The following SCHIP1 variants were observed in gnomAD, a reference collection of about 807,000 sequenced individuals.
SCHIP1 encodes the protein schwannomin-interacting protein 1.
A neutral mutation model predicts 29.7 loss-of-function variants in SCHIP1; 8 were observed. The observed-to-expected ratio is 0.27, with a 90% CI of 0.16 to 0.49. The LOEUF (loss-of-function observed/expected upper bound fraction) is 0.49, where lower values mean the gene tolerates loss of function less well. Among genes scored for constraint, SCHIP1 ranks in the 20% least tolerant of loss-of-function variants. The pLI is 0.99. For missense variants in SCHIP1, 193 were observed against 294.6 expected (o/e 0.66, Z 2.52); for synonymous variants, 76 against 94.9 (o/e 0.80, Z 1.16).
the SCHIP1 span, among the ~76,000 whole-genome samples, chr3:159,510,414 C>G: frequency 6.6e-6 from 1 of 152,202 alleles, no homozygotes; most frequent in African/African-American, 2.4e-5. Context: ...TGGGTTCGAA[C>G]TTCCTCCTTT....
At chr3:159,759,296 TAAAAG>T in the SCHIP1 span, among the ~76,000 whole-genome samples, 3 of 152,144 alleles carry the variant, frequency 2.0e-5, no homozygotes, top group African/African-American at 7.2e-5. Context: ...TCTACAGAAA[TAAAAG>T]AGAGCTACCA....
chr3:159,717,085 A>G, the SCHIP1 span, among the ~76,000 whole-genome samples: 1 of 152,312 alleles, frequency 6.6e-6, no homozygotes, highest in South Asian at 2.1e-4. Context: ...TAAGAAACTC[A>G]CTCAAAACCA....
the SCHIP1 span, among the ~76,000 whole-genome samples, chr3:159,283,913 T>C: frequency 1.3e-5 from 2 of 152,348 alleles, no homozygotes; most frequent in East Asian, 3.9e-4. Context: ...GTGGTATTGC[T>C]GTTTGGTTTT....
the SCHIP1 span, among the ~76,000 whole-genome samples, chr3:159,299,514 A>G: frequency 3.7e-4 from 57 of 152,334 alleles, no homozygotes; most frequent in African/African-American, 1.3e-3. Context: ...CCAAGGTGAC[A>G]TAGGCATTTA....
chr3:159,851,559 C>CTGTTGTTATGTTAATGTTA (rs11282081), intron 1 of SCHIP1, among the ~76,000 whole-genome samples: 1 of 152,086 alleles, frequency 6.6e-6, no homozygotes. Context: ...TAAAGGGTAG[C>CTGTTGTTATGTTAATGTTA]TGTTAATATA....
the SCHIP1 span, among the ~76,000 whole-genome samples, chr3:159,778,490 A>G: frequency 1.3e-5 from 2 of 152,300 alleles, no homozygotes; most frequent in South Asian, 2.1e-4. Context: ...ACCCAATACT[A>G]TCACCTAACC....
At chr3:159,778,028 A>G in the SCHIP1 span, among the ~76,000 whole-genome samples, 5 of 151,986 alleles carry the variant, frequency 3.3e-5, no homozygotes, top group Admixed American at 2.6e-4. Flanking sequence ...TCTGTCACCC[A>G]GGCTGGAGTG....
chr3:159,735,117 A>T, the SCHIP1 span, among the ~76,000 whole-genome samples: 3 of 152,134 alleles, frequency 2.0e-5, no homozygotes, highest in Admixed American at 6.5e-5. Context: ...GTTATCTTAG[A>T]ATCTCTATAA....
At chr3:159,721,130 T>C in the SCHIP1 span, among the ~76,000 whole-genome samples, 1 of 152,150 alleles carries the variant, frequency 6.6e-6, no homozygotes, top group Non-Finnish European at 1.5e-5. Context: ...CTGAACCCAT[T>C]TCAAATATGT....
At chr3:159,396,294 T>C in the SCHIP1 span, among the ~76,000 whole-genome samples, 1 of 151,162 alleles carries the variant, frequency 6.6e-6, no homozygotes, top group Non-Finnish European at 1.5e-5. Context: ...TCTGCGTCTT[T>C]TAATTGGAGC....
the SCHIP1 span, among the ~76,000 whole-genome samples, chr3:159,489,023 G>A: frequency 1.6e-4 from 24 of 152,200 alleles, no homozygotes; most frequent in South Asian, 1.2e-3. Context: ...TTGAGCTAAC[G>A]TAATGTTTTA....
At chr3:159,582,578 A>C in the SCHIP1 span, among the ~76,000 whole-genome samples, 2 of 152,148 alleles carry the variant, frequency 1.3e-5, no homozygotes, top group African/African-American at 4.8e-5. Flanking sequence ...TTTGAAATTA[A>C]AGTACGTACA....
the SCHIP1 span, among the ~76,000 whole-genome samples, chr3:159,556,773 TG>T: frequency 1.8e-5 from 1 of 54,968 alleles, no homozygotes; most frequent in Non-Finnish European, 3.2e-5. Context: ...TGTTGTGGGG[TG>T]GGGGGAGGGG....
chr3:159,564,729 CTT>C, the SCHIP1 span, among the ~76,000 whole-genome samples: 1 of 152,280 alleles, frequency 6.6e-6, no homozygotes, highest in African/African-American at 2.4e-5. Context: ...AGCGTATACT[CTT>C]TTATATCTGG....
At chr3:159,747,916 T>G in the SCHIP1 span, among the ~76,000 whole-genome samples, 7 of 152,254 alleles carry the variant, frequency 4.6e-5, no homozygotes, top group Non-Finnish European at 8.8e-5. Context: ...TGGACAGATT[T>G]GTCTCATTAA....
At chr3:159,622,271 G>A in the SCHIP1 span, among the ~76,000 whole-genome samples, 1 of 152,226 alleles carries the variant, frequency 6.6e-6, no homozygotes, top group East Asian at 1.9e-4. Flanking sequence ...TGAGGTGCAA[G>A]TCCAAGACAG....
At chr3:159,473,383 G>T in the SCHIP1 span, among the ~76,000 whole-genome samples, 17 of 152,130 alleles carry the variant, frequency 1.1e-4, no homozygotes, top group South Asian at 2.3e-3. Context: ...TGGCAGAAAA[G>T]CCAGCAATTC....
At chr3:159,613,746 C>T in the SCHIP1 span, among the ~76,000 whole-genome samples, 8 of 152,140 alleles carry the variant, frequency 5.3e-5, no homozygotes, top group South Asian at 1.0e-3. Flanking sequence ...TCCTCCCATT[C>T]CCAGGCTAGA....
the SCHIP1 span, among the ~76,000 whole-genome samples, chr3:159,327,240 G>A: frequency 2.6e-5 from 4 of 152,196 alleles, no homozygotes; most frequent in Non-Finnish European, 4.4e-5. Context: ...CATGGGGCAA[G>A]TAGTAACTTG....
Sources: gnomAD v4.1 joint callset for allele counts (sites outside exome capture counted in the v4.1 genomes callset) on GRCh38, gnomAD v4.1.1 for gene constraint, MANE v1.5 for transcripts, NCBI Gene and HGNC (gene_info 2026-07-23, HGNC 2026-07-21) for gene names.